ADAM28: variants seen among roughly 807,000 people sequenced by gnomAD.
ADAM28 encodes ADAM metallopeptidase domain 28.
Under a neutral mutation model 101.2 loss-of-function variants are expected in ADAM28, and 105 were observed. The ratio of observed to expected loss-of-function variants is 1.04; its 90% confidence interval spans 0.89 to 1.22. The LOEUF (loss-of-function observed/expected upper bound fraction) is 1.22. ADAM28 is among the 50% of genes most tolerant of loss of function. The pLI is 0.00. For synonymous variants in ADAM28, 322 were observed against 310.6 expected (o/e 1.04, Z -0.39); for missense variants, 1,028 against 945.4 (o/e 1.09, Z -1.15).
intron 10 of ADAM28, among the ~76,000 whole-genome samples, chr8:24,326,982 G>A (rs140084476): frequency 0.011 from 1,658 of 152,142 alleles, 11 homozygotes; most frequent in Non-Finnish European, 0.017. Context: ...TTGAAAGACA[G>A]CACAAGACAA....
chr8:24,297,033 G>C (rs994024165), intron 1 of ADAM28, among the ~76,000 whole-genome samples: 2 of 152,128 alleles, frequency 1.3e-5, no homozygotes, highest in Non-Finnish European at 1.5e-5. Context: ...GCCTTTAAGA[G>C]AAATTCCATT....
intron 6 of ADAM28, among the ~76,000 whole-genome samples, chr8:24,314,952 A>G (rs1356075506): frequency 1.3e-5 from 2 of 151,332 alleles, no homozygotes; most frequent in Middle Eastern, 3.2e-3. Context: ...TAGCAGATAC[A>G]AATGATAATG....
chr8:24,295,703 G>A (rs1046328897), intron 1 of ADAM28: 1 of 152,152 alleles, frequency 6.6e-6, no homozygotes, highest in African/African-American at 2.4e-5. Context: ...GTATAACATG[G>A]CACCAAGAGA....
chr8:24,342,971 T>G, intron 16 of ADAM28, 130 bp from the exon 17 acceptor site: 1 of 1,474,414 alleles, frequency 6.8e-7, no homozygotes, highest in Admixed American at 2.4e-5. Flanking sequence ...CGTCTCTGTT[T>G]CCCTTCTTCT....
rs760383810 is a variant in ADAM28 at position 24,336,909 on chromosome 8, T to C, written c.1567+1268T>C. Among the ~76,000 whole-genome samples, 191 of 152,170 alleles carry C rather than the reference T, an allele frequency of 1.3e-3. 3 individuals carry two copies. Among genetic ancestry groups the C allele is most frequent in the Non-Finnish European group, 3.1e-4 (21 of 68,026 alleles). On this transcript the variant is annotated intron_variant, in intron 14 of 22. Coordinates refer to ENST00000265769, the MANE Select transcript of ADAM28 (RefSeq NM_014265.6). Reference sequence around the variant, plus strand: ...ACTCCTACTTAAATGACTGAAACAATATTTATTAAAATAGAGAAAATCTAC... The same window carrying C: ...ACTCCTACTTAAATGACTGAAACAACATTTATTAAAATAGAGAAAATCTAC...
intron 5 of ADAM28, 31 bp downstream of exon 5, chr8:24,311,468 T>C (rs762742342): frequency 1.3e-6 from 2 of 1,574,230 alleles, no homozygotes; most frequent in South Asian, 2.3e-5. Flanking sequence ...TGCATGTACC[T>C]GTGATTGTGG....
intron 14 of ADAM28, among the ~76,000 whole-genome samples, chr8:24,338,115 T>A (rs190362759): frequency 6.4e-4 from 98 of 152,302 alleles, no homozygotes; most frequent in Non-Finnish European, 2.9e-4. Flanking sequence ...AAATAATTGT[T>A]TTTTACTCCT....
chr8:24,351,241 T>C lies in ADAM28; in HGVS notation c.2109T>C (p.Ser703=), dbSNP rs780161508. The part of the protein sequence containing the change: ...EKQKKDQRPL[S]TTGTRPHKQK... ...TGTTTCTCTCTTACAGGCCACTATC[T>C]ACCACTGGCACCAGGCCACACAAAC... The change falls in exon 20 of 23, where the codon TCT becomes TCC. Residue 703 remains serine (S), a synonymous_variant. Transcript: ENST00000265769. The C allele has an allele frequency of 1.9e-6, 3 of 1,601,940 alleles. No homozygotes were observed. Among genetic ancestry groups the C allele is most frequent in the South Asian group, 2.3e-5 (2 of 88,796 alleles).
chr8:24,296,601 T>C (rs561159598), intron 1 of ADAM28, among the ~76,000 whole-genome samples: 191 of 152,348 alleles, frequency 1.3e-3, no homozygotes, highest in Non-Finnish European at 2.1e-3. Context: ...GTCTCTCATA[T>C]TAACGTTGTT....
rs151293519 is a variant in ADAM28 at position 24,349,932 on chromosome 8, C to T, written c.2059C>T (p.Arg687Trp). Reference protein sequence around the residue: ...VIFVVVAMVIRHQSSREKQKK... With the variant: ...VIFVVVAMVIWHQSSREKQKK... Reference sequence around the variant, plus strand: ...TTTTGTGGTGGTTGCTATGGTAATCCGGCACCAGAGCTCCAGAGAAAAGCA... The same window carrying T: ...TTTTGTGGTGGTTGCTATGGTAATCTGGCACCAGAGCTCCAGAGAAAAGCA... The change falls in exon 19 of 23, where the codon CGG becomes TGG. Residue 687 changes from arginine (R) to tryptophan (W), a missense_variant. Physicochemically the swap from Arg to Trp is moderately radical, Grantham distance 101. Coordinates refer to ENST00000265769, the MANE Select transcript of ADAM28 (RefSeq NM_014265.6). The T allele has an allele frequency of 6.8e-5, 110 of 1,613,534 alleles. No individual in the cohort carries two copies. Among genetic ancestry groups the T allele is most frequent in the African/African-American group, 6.8e-4 (51 of 74,934 alleles).
chr8:24,303,399 A>G (rs1809104083), intron 2 of ADAM28, among the ~76,000 whole-genome samples: 1 of 152,064 alleles, frequency 6.6e-6, no homozygotes, highest in Non-Finnish European at 1.5e-5. Flanking sequence ...TAAATATGAA[A>G]TCTTTTTCCC....
At chr8:24,337,642 G>A (rs968621651) in intron 14 of ADAM28, among the ~76,000 whole-genome samples, 3 of 152,134 alleles carry the variant, frequency 2.0e-5, no homozygotes, top group African/African-American at 7.2e-5. Context: ...TTTAAATACA[G>A]CCATTATAAA....
At chr8:24,299,922 C>A (rs1808482401) in intron 1 of ADAM28, 52 bp from the exon 2 acceptor site, 3 of 1,424,694 alleles carry the variant, frequency 2.1e-6, no homozygotes, top group South Asian at 2.4e-5. Context: ...CTTTACTGAC[C>A]AGCCTACTTC....
intron 2 of ADAM28, among the ~76,000 whole-genome samples, chr8:24,304,970 A>G (rs1164368037): frequency 1.3e-5 from 2 of 151,688 alleles, no homozygotes; most frequent in African/African-American, 4.8e-5. Context: ...AGCCCATCAT[A>G]TTCCAGTTCT....
At position 24,321,457 on chromosome 8, in the gene ADAM28, G is replaced by T. The variant is rs923821742; in HGVS notation, c.720+168G>T. 3 of 669,206 alleles carry T rather than the reference G, an allele frequency of 4.5e-6. No individual in the cohort carries two copies. The African/African-American group carries it at 5.4e-5, about 12-fold the overall frequency. 41.5% of individuals were successfully genotyped at this position (669,206 alleles called of 1,614,324 possible). On this transcript the variant is annotated intron_variant, in intron 8 of 22. Transcript: ENST00000265769. ...CAACTTTTGCTACATAGGTGAACAT[G>T]AATATTAATACCACAAACCAACACT...
chr8:24,323,737 C>A, intron 8 of ADAM28, 97 bp from the exon 9 acceptor site: 1 of 1,222,400 alleles, frequency 8.2e-7, no homozygotes, highest in Non-Finnish European at 1.1e-6. Context: ...TTTTATACTG[C>A]TGTGATGAAT....
chr8:24,331,546 C>T (rs969733692), intron 12 of ADAM28, among the ~76,000 whole-genome samples: 6 of 152,078 alleles, frequency 3.9e-5, no homozygotes, highest in Admixed American at 6.6e-5. Context: ...AACCTCATTC[C>T]TTTTTTTAAG....
chr8:24,315,894 T>G (rs947417038), intron 6 of ADAM28, among the ~76,000 whole-genome samples: 4 of 151,828 alleles, frequency 2.6e-5, no homozygotes, highest in Non-Finnish European at 5.9e-5. Flanking sequence ...ATCAACAGAC[T>G]GAAAGACAAA....
At chr8:24,343,309 G>A (rs536200286) in intron 17 of ADAM28, 128 bp downstream of exon 17, 3 of 1,232,602 alleles carry the variant, frequency 2.4e-6, no homozygotes. Context: ...CAAGCCTTCA[G>A]TAGCATGGTT....
Sources: allele counts gnomAD v4.1 joint callset (sites outside exome capture counted in the v4.1 genomes callset), GRCh38; gene constraint gnomAD v4.1.1; transcripts MANE v1.5; gene names NCBI Gene and HGNC (gene_info 2026-07-23, HGNC 2026-07-21).